NF1: variants seen among roughly 807,000 people sequenced by gnomAD.
The protein encoded by NF1 is neurofibromin.
Under a neutral mutation model 325.7 loss-of-function variants are expected in NF1, and 122 were observed. That is an observed-to-expected ratio of 0.37 (90% confidence interval 0.32 to 0.44). The LOEUF (loss-of-function observed/expected upper bound fraction) is 0.44, where lower values mean the gene tolerates loss of function less well. Ranked by LOEUF, NF1 falls within the 20% of genes least tolerant of loss-of-function variation. The probability of loss-of-function intolerance (pLI) is 1.00; values close to 1 mark genes in which losing one functional copy is unlikely to be tolerated. For missense variants in NF1, 2,140 were observed against 3,415.4 expected (o/e 0.63, Z 9.31); for synonymous variants, 1,091 against 1,186.0 (o/e 0.92, Z 1.65).
chr17:31,191,900 G>C (rs2066348665), intron 8 of NF1, among the ~76,000 whole-genome samples: 1 of 152,080 alleles, frequency 6.6e-6, no homozygotes, highest in Admixed American at 6.5e-5. Context: ...TTTGCCATTT[G>C]CATGTTTTCT....
chr17:31,272,387 G>A (rs1270838925), intron 36 of NF1: 1 of 152,268 alleles, frequency 6.6e-6, no homozygotes, highest in African/African-American at 2.4e-5. Context: ...ATTCAGACTT[G>A]TCTTGGAATT....
Position 31,152,616 on chromosome 17 carries a change from G to A in NF1, c.61-3367G>A, listed in dbSNP as rs12600446. On this transcript the variant is annotated intron_variant, in intron 1 of 57. Coordinates refer to ENST00000358273, the MANE Select transcript of NF1 (RefSeq NM_001042492.3). ...TTAATTTACTCTTATGTATCTTCTG[G>A]TTAGTTTTCATTTCTGAAATGATTT... Among the ~76,000 whole-genome samples the A allele has an allele frequency of 1.3e-3, 196 of 146,338 alleles. 3 individuals carry two copies. The East Asian group carries it at 0.034, about 25-fold the overall frequency.
rs558421445 is a variant in NF1, at chr17:31,235,914, G to A, written c.3871-4G>A. The A allele has an allele frequency of 1.2e-6, 2 of 1,612,462 alleles. No individual in the cohort carries two copies. The highest frequency in any genetic ancestry group is 1.6e-4 in the Middle Eastern group (1 of 6,062). On this transcript the variant is annotated splice_polypyrimidine_tract_variant and splice_region_variant and intron_variant, in intron 28 of 57. Coordinates refer to ENST00000358273, the MANE Select transcript of NF1 (RefSeq NM_001042492.3). ...AATAAACTCCTATTCGTGCATTTCT[G>A]TAGGTATATGGTGCTACCTATCTAC...
chr17:31,181,342 A>G, intron 5 of NF1, 80 bp from the exon 6 acceptor site: 1 of 1,321,064 alleles, frequency 7.6e-7, no homozygotes, highest in Non-Finnish European at 1.1e-6. Flanking sequence ...GTAATACGTA[A>G]ATGGAAAGTT....
intron 38 of NF1, among the ~76,000 whole-genome samples, chr17:31,329,706 A>C (rs991208263): frequency 6.6e-6 from 1 of 152,204 alleles, no homozygotes; most frequent in Non-Finnish European, 1.5e-5. Context: ...GAGGTCATAG[A>C]GGGAAAAATG....
intron 36 of NF1, chr17:31,307,933 C>T: frequency 7.8e-7 from 1 of 1,288,796 alleles, no homozygotes; most frequent in Non-Finnish European, 1.0e-6. Context: ...TCCTCTACCA[C>T]TTGGTACACA....
At chr17:31,304,815 T>C (rs2068664695) in intron 36 of NF1, 2 of 1,614,076 alleles carry the variant, frequency 1.2e-6, no homozygotes, top group Non-Finnish European at 1.7e-6. Flanking sequence ...TTGATGTACG[T>C]TTTGTGGATA....
At chr17:31,266,333 T>A (rs1295116470) in intron 36 of NF1, among the ~76,000 whole-genome samples, 3 of 152,172 alleles carry the variant, frequency 2.0e-5, no homozygotes, top group African/African-American at 7.2e-5. Context: ...GAAACTTGTC[T>A]AATAGGGTCA....
chr17:31,163,670 T>TA (rs1011519613), intron 4 of NF1, among the ~76,000 whole-genome samples: 1 of 152,192 alleles, frequency 6.6e-6, no homozygotes, highest in African/African-American at 2.4e-5. Flanking sequence ...AGAGCACTGT[T>TA]ATGAATGTGA....
At position 31,336,505 on chromosome 17, in the gene NF1, A is replaced by T. The variant is rs2151553753; in HGVS notation, c.6147+32A>T. On this transcript the variant is annotated intron_variant, in intron 41 of 57. Transcript: ENST00000358273. This position sits in a 1 kb window ranked among gnomAD's most constrained non-coding sequence, Gnocchi z 5.5. ...ACTTTTCTTTTGCCTTCTGTACTAT[A>T]GCATATCTGTTTTATCATCAGGAGG... The T allele has an allele frequency of 6.2e-7, 1 of 1,613,632 alleles. No individual in the cohort carries two copies. The highest frequency in any genetic ancestry group is 1.1e-5 in the South Asian group (1 of 91,024).
intron 30 of NF1, among the ~76,000 whole-genome samples, chr17:31,249,550 A>G (rs1432402340): frequency 6.6e-6 from 1 of 152,076 alleles, no homozygotes; most frequent in Non-Finnish European, 1.5e-5. Flanking sequence ...ATTAATGTAT[A>G]ATTAGTTTGT....
At chr17:31,340,847 C>CAAAAA (rs1051607259) in intron 47 of NF1, among the ~76,000 whole-genome samples, 1 of 62,592 alleles carries the variant, frequency 1.6e-5, no homozygotes. Context: ...ATAAAAATAG[C>CAAAAA]AAAAAAAAAA....
chr17:31,186,009 G>A (rs549236311), intron 8 of NF1, among the ~76,000 whole-genome samples: 1 of 152,298 alleles, frequency 6.6e-6, no homozygotes, highest in East Asian at 1.9e-4. Flanking sequence ...ATGTTTAACT[G>A]TGGGTCTTCA....
chr17:31,216,745 C>T (rs1314245392), intron 13 of NF1, among the ~76,000 whole-genome samples: 1 of 152,104 alleles, frequency 6.6e-6, no homozygotes, highest in Non-Finnish European at 1.5e-5. Context: ...AAATCTTTCT[C>T]CCATCTACCA....
In NF1 at chr17:31,335,179, C is replaced by T. The variant is rs112043107; in HGVS notation, c.6006+148C>T. 1.1e-3 allele frequency: 747 copies of T among 652,744 alleles called. 1 individual carries two copies. In the African/African-American group the frequency reaches 0.012, roughly 10 times the overall value. 40.4% of individuals were successfully genotyped at this position (652,744 alleles called of 1,614,324 possible). Reference sequence around the variant, plus strand: ...CTTCAGAAAGCATGTAGACACTCACCCAGCTCTTCATCTGGTTCAAAATTG... The same window carrying T: ...CTTCAGAAAGCATGTAGACACTCACTCAGCTCTTCATCTGGTTCAAAATTG... On this transcript the variant is annotated intron_variant, in intron 40 of 57. Transcript: ENST00000358273.
At chr17:31,277,881 T>A (rs910584182) in intron 36 of NF1, among the ~76,000 whole-genome samples, 1 of 152,216 alleles carries the variant, frequency 6.6e-6, no homozygotes, top group African/African-American at 2.4e-5. Flanking sequence ...TTCTCCTTTA[T>A]ACATAATCTC....
chr17:31,313,131 A>T (rs996530510), intron 36 of NF1, among the ~76,000 whole-genome samples: 2 of 152,140 alleles, frequency 1.3e-5, no homozygotes, highest in African/African-American at 4.8e-5. Context: ...AAGCATGTAT[A>T]ATAATAATAG....
intron 55 of NF1, 97 bp downstream of exon 55, chr17:31,358,719 A>G (rs1567627847): frequency 6.8e-7 from 1 of 1,463,574 alleles, no homozygotes; most frequent in South Asian, 1.2e-5. Context: ...TAAGGGATAG[A>G]CTTGTTCATA....
chr17:31,284,647 C>T (rs1304920991), intron 36 of NF1, among the ~76,000 whole-genome samples: 1 of 151,844 alleles, frequency 6.6e-6, no homozygotes, highest in Non-Finnish European at 1.5e-5. Context: ...TCTCATAGAA[C>T]TCCTGACCTC....
Sources: allele counts gnomAD v4.1 joint callset (sites outside exome capture counted in the v4.1 genomes callset), GRCh38; gene constraint gnomAD v4.1.1; non-coding constraint Gnocchi (gnomAD v3.1); transcripts MANE v1.5; gene names NCBI Gene and HGNC (gene_info 2026-07-23, HGNC 2026-07-21).